Variants in PSRC1 observed in about 807,000 individuals in gnomAD.
PSRC1 encodes the protein proline and serine rich coiled-coil 1.
Under a neutral mutation model 31.9 loss-of-function variants are expected in PSRC1, and 30 were observed. The ratio of observed to expected loss-of-function variants is 0.94; its 90% CI spans 0.70 to 1.28. The LOEUF (loss-of-function observed/expected upper bound fraction) is 1.28, where lower values mean the gene tolerates loss of function less well. Ranked by LOEUF, PSRC1 falls within the 50% of genes most tolerant of loss-of-function variation. PSRC1 has a pLI of 0.00. For missense variants in PSRC1, 481 were observed against 472.8 expected, an observed-to-expected ratio of 1.02 and a Z score of -0.16; for synonymous variants, 191 against 192.1, an observed-to-expected ratio of 0.99 and a Z score of 0.05.
exon 6 of PSRC1, chr1:109,280,435 A>C (rs1218277422): frequency 6.2e-7 from 1 of 1,613,392 alleles, no homozygotes; most frequent in Non-Finnish European, 8.5e-7. Context: ...GGGGGGCTGC[A>C]GATTGCTGCG....
At chr1:109,283,116 G>C in exon 1 of PSRC1, 1 of 242,178 alleles carries the variant, frequency 4.1e-6, no homozygotes. Flanking sequence ...CACGCAACAG[G>C]CTTTCTCCCG....
chr1:109,281,272 G>A (rs1219865065), intron 4 of PSRC1, 21 bp from the exon 5 acceptor site: 10 of 1,531,638 alleles, frequency 6.5e-6, no homozygotes, highest in Admixed American at 4.2e-5. Flanking sequence ...AAGAGAGAGA[G>A]AAAAAAGACT....
chr1:109,281,389 A>ACATCAC (rs1307545648), intron 4 of PSRC1, 138 bp from the exon 5 acceptor site: 2 of 788,186 alleles, frequency 2.5e-6, no homozygotes, highest in East Asian at 5.4e-5. Context: ...TAACATCACC[A>ACATCAC]CATCACCATC....
chr1:109,282,887 G>A (rs1657417749), intron 1 of PSRC1, 151 bp from the exon 2 acceptor site: 7 of 679,680 alleles, frequency 1.0e-5, no homozygotes, highest in Non-Finnish European at 1.5e-5. Context: ...GCTACCTCCG[G>A]GAACGATACG....
chr1:109,281,249 C>A, exon 5 of PSRC1: 1 of 1,586,616 alleles, frequency 6.3e-7, no homozygotes, highest in Admixed American at 1.8e-5. Flanking sequence ...AAGTGGGTGA[C>A]TCCTGAAACA....
Position 109,283,057 on chromosome 1 carries a change from G to A in PSRC1, c.-34+17C>T, listed in dbSNP as rs1367231103. The A allele has an allele frequency of 2.5e-6, 1 of 395,282 alleles. No homozygotes were observed. Among genetic ancestry groups the A allele is most frequent in the Non-Finnish European group, 4.6e-6 (1 of 216,518 alleles). 24.5% of individuals were successfully genotyped at this position (395,282 alleles called of 1,614,324 possible). A position where few individuals can be genotyped will look rare whatever the true frequency, so the allele number is the denominator to read the frequency against. On this transcript the variant is annotated intron_variant, in intron 1 of 6. Transcript: ENST00000409138. The stretch of plus-strand genomic sequence containing the variant: ...CCACTCCCCTGGCATCACACGCGAA[G>A]CACACCTCCAGCCCACCCTGTGTCC...
At chr1:109,280,684 C>T (rs1656916761) in intron 5 of PSRC1, 93 bp downstream of exon 6, 2 of 1,121,150 alleles carry the variant, frequency 1.8e-6, no homozygotes, top group Admixed American at 5.2e-5. Flanking sequence ...AATTGAATTG[C>T]AATAAGGATG....
At chr1:109,282,040 G>A in exon 4 of PSRC1, 1 of 1,499,116 alleles carries the variant, frequency 6.7e-7, no homozygotes. Flanking sequence ...CACCAACACT[G>A]TTATGTCTTC....
Position 109,280,167 on chromosome 1 carries a change from A to G in PSRC1, c.1089-11T>C, listed in dbSNP as rs1350353735. 4 of 1,613,466 alleles carry G rather than the reference A, an allele frequency of 2.5e-6. No individual in the cohort carries two copies. The South Asian group carries it at 4.4e-5, about 18-fold the overall frequency. On this transcript the variant is annotated splice_polypyrimidine_tract_variant and intron_variant, in intron 6 of 6. Transcript: ENST00000409138. ...TCCTGATCTCTTTACCTAAAGAAAT[A>G]GAAGGAATAACTGCTTTAAAATGCC...
exon 4 of PSRC1, chr1:109,282,049 T>C: frequency 6.7e-7 from 1 of 1,492,962 alleles, no homozygotes; most frequent in South Asian, 1.4e-5. Flanking sequence ...TGTTATGTCT[T>C]CCTCCTCACG....
At chr1:109,279,900 C>T in exon 7 of PSRC1, 1 of 564,482 alleles carries the variant, frequency 1.8e-6, no homozygotes, top group Non-Finnish European at 3.2e-6. Context: ...TCTATTTGTT[C>T]ATTTCACTGC....
At chr1:109,281,236 T>A (rs752004415) in exon 5 of PSRC1, 1 of 1,597,654 alleles carries the variant, frequency 6.3e-7, no homozygotes, top group Admixed American at 1.7e-5. Flanking sequence ...GGGAACAGAT[T>A]GCAAGTGGGT....
At chr1:109,280,317 G>C in intron 6 of PSRC1, 79 bp downstream of exon 7, 1 of 1,439,916 alleles carries the variant, frequency 6.9e-7, no homozygotes, top group Admixed American at 1.7e-5. Context: ...AAAATTCAGG[G>C]CTGATGTGCA....
At chr1:109,280,592 CT>C (rs2101341453) in intron 5 of PSRC1, 103 bp from the exon 7 acceptor site, 1 of 1,050,508 alleles carries the variant, frequency 9.5e-7, no homozygotes, top group Admixed American at 2.4e-5. Context: ...TACTCTCCCC[CT>C]GACCATGAGG....
At chr1:109,282,933 C>T in intron 1 of PSRC1, 130 bp downstream of exon 1, 1 of 606,344 alleles carries the variant, frequency 1.6e-6, no homozygotes, top group Non-Finnish European at 2.9e-6. Flanking sequence ...GCCCTGGAGC[C>T]GCCCTGCATC....
intron 2 of PSRC1, 48 bp downstream of exon 2, chr1:109,282,632 G>C (rs751671860): frequency 4.4e-6 from 7 of 1,602,512 alleles, no homozygotes; most frequent in Middle Eastern, 1.7e-4. Context: ...GCTCTCCATC[G>C]CTGGGTCTCA....
At chr1:109,281,472 G>C in intron 4 of PSRC1, 147 bp downstream of exon 4, 1 of 821,782 alleles carries the variant, frequency 1.2e-6, no homozygotes, top group Non-Finnish European at 1.9e-6. Context: ...TAAGAGTTTT[G>C]GTTCTCTTTT....
At chr1:109,282,815 C>A in intron 1 of PSRC1, 79 bp from the exon 2 acceptor site, 2 of 1,422,822 alleles carry the variant, frequency 1.4e-6, no homozygotes, top group South Asian at 2.5e-5. Context: ...AAGCCAGGGT[C>A]GGGGGTCATG....
At chr1:109,280,192 C>T in intron 6 of PSRC1, 36 bp from the exon 8 acceptor site, 1 of 1,612,058 alleles carries the variant, frequency 6.2e-7, no homozygotes, top group Non-Finnish European at 8.5e-7. Context: ...TTTAAAATGC[C>T]CTTCTTCCTC....
Sources: allele counts gnomAD v4.1 joint callset, GRCh38; gene constraint gnomAD v4.1.1; transcripts MANE v1.5; gene names NCBI Gene and HGNC (gene_info 2026-07-23, HGNC 2026-07-21).